Variants in DIPK1C observed in about 807,000 individuals in gnomAD.
The protein encoded by DIPK1C is divergent protein kinase domain 1C, also known as familial non-conventional Alzheimer's dementia.
In DIPK1C, 33 loss-of-function variants were observed where a neutral mutation model predicts 28.0. The observed-to-expected ratio is 1.18, with a 90% CI of 0.89 to 1.58. The LOEUF (loss-of-function observed/expected upper bound fraction) is 1.58, where lower values mean the gene tolerates loss of function less well. DIPK1C is among the 40% of genes most tolerant of loss of function. DIPK1C has a pLI of 0.00. For missense variants in DIPK1C, 569 were observed against 568.5 expected (o/e 1.00, Z -0.01); for synonymous variants, 255 against 248.8 (o/e 1.02, Z -0.23).
intron 1 of DIPK1C, among the ~76,000 whole-genome samples, chr18:74,452,116 A>T (rs1342902690): frequency 6.6e-6 from 1 of 152,224 alleles, no homozygotes; most frequent in Non-Finnish European, 1.5e-5. Context: ...ATGGATCCTC[A>T]AAGTGCAGTT....
At chr18:74,437,553 T>G (rs1213789083) in intron 3 of DIPK1C, among the ~76,000 whole-genome samples, 1 of 152,186 alleles carries the variant, frequency 6.6e-6, no homozygotes, top group Non-Finnish European at 1.5e-5. Flanking sequence ...CAGACTCAAT[T>G]AACAAATGCC....
chr18:74,440,094 G>A (rs966526996), intron 3 of DIPK1C, among the ~76,000 whole-genome samples: 40 of 152,092 alleles, frequency 2.6e-4, no homozygotes, highest in Admixed American at 1.5e-3. Context: ...GCAGGCGCCC[G>A]CCACCTCGCC....
At chr18:74,437,871 A>T (rs1157769676) in intron 3 of DIPK1C, among the ~76,000 whole-genome samples, 1 of 152,136 alleles carries the variant, frequency 6.6e-6, no homozygotes, top group Non-Finnish European at 1.5e-5. Flanking sequence ...CCCCATTTAT[A>T]TGAGGGAGAT....
chr18:74,437,480 G>A (rs1402524501), intron 3 of DIPK1C, among the ~76,000 whole-genome samples: 1 of 152,044 alleles, frequency 6.6e-6, no homozygotes, highest in Non-Finnish European at 1.5e-5. Context: ...CCCCACGCTG[G>A]GAGAAATGAC....
chr18:74,441,933 C>T lies in DIPK1C; in HGVS notation c.1041+19G>A, dbSNP rs766330360. ...CAAAGAGCACCCTCTCCTCCCCCAG[C>T]CCTGGCGGACTCTCATACCTGCAGG... On this transcript the variant is annotated intron_variant, in intron 3 of 3. Coordinates refer to ENST00000343998, the MANE Select transcript of DIPK1C (RefSeq NM_001044369.3). 8.7e-6 allele frequency: 14 copies of T among 1,608,714 alleles called. No individual in the cohort carries two copies. In the East Asian group the frequency reaches 3.1e-4, roughly 36 times the overall value.
Position 74,447,231 on chromosome 18 carries a change from C to T in DIPK1C, c.251G>A (p.Cys84Tyr). Reference sequence around the variant, plus strand: ...TTGGAACAGCAGCTCTCCCGCCACACACAGGTCCTCGCAGAGGTCCCCGGC... The same window carrying T: ...TTGGAACAGCAGCTCTCCCGCCACATACAGGTCCTCGCAGAGGTCCCCGGC... ...TLAGDLCEDLCVAGELLFQRC... is the reference protein window; with the variant it reads ...TLAGDLCEDLYVAGELLFQRC... Residue 84 changes from cysteine (C) to tyrosine (Y), a missense_variant, in exon 2 of 4, where the codon TGT becomes TAT. Coordinates refer to ENST00000343998, the MANE Select transcript of DIPK1C (RefSeq NM_001044369.3). This position sits in a 1 kb window ranked among gnomAD's most constrained non-coding sequence, Gnocchi z 4.1. The T allele has an allele frequency of 6.5e-7, 1 of 1,549,652 alleles. No homozygotes were observed. Among genetic ancestry groups the T allele is most frequent in the Non-Finnish European group, 8.7e-7 (1 of 1,146,594 alleles).
At chr18:74,454,142 G>T (rs1433884637) in intron 1 of DIPK1C, among the ~76,000 whole-genome samples, 1 of 152,206 alleles carries the variant, frequency 6.6e-6, no homozygotes, top group Non-Finnish European at 1.5e-5. Context: ...ATTACAGTGT[G>T]TTGTTCCTAT....
At chr18:74,457,731 C>A (rs1986551959), upstream of DIPK1C, 1 of 149,240 alleles carries the variant, frequency 6.7e-6, no homozygotes, top group South Asian at 2.1e-4. Flanking sequence ...TTGTCCCCCC[C>A]CGTTTACCTC....
In DIPK1C at chr18:74,457,032, G is replaced by T. The variant is rs1247516738; in HGVS notation, c.198+30C>A. 7.9e-6 allele frequency: 11 copies of T among 1,395,268 alleles called. No homozygotes were observed. The South Asian group carries it at 1.7e-4, about 22-fold the overall frequency. 86.4% of individuals were successfully genotyped at this position (1,395,268 alleles called of 1,614,324 possible). On this transcript the variant is annotated intron_variant, in intron 1 of 3. Transcript: ENST00000343998. ...TGTGATCCCCCCTCCCCGGACGCGC[G>T]GCGCGGGGCAGAGCGGCGGCGGGAC...
At chr18:74,442,581 G>T (rs542731100) in intron 2 of DIPK1C, among the ~76,000 whole-genome samples, 54 of 152,112 alleles carry the variant, frequency 3.6e-4, no homozygotes, top group Non-Finnish European at 6.8e-4. Context: ...TGCCCGCCTC[G>T]GCCTCCCAAA....
In DIPK1C at chr18:74,452,874, C is replaced by T. The variant is rs544975256; in HGVS notation, c.198+4188G>A. 5.9e-5 allele frequency among the ~76,000 whole-genome samples: 9 copies of T among 152,052 alleles called. No individual in the cohort carries two copies. In the South Asian group the frequency reaches 1.0e-3, roughly 18 times the overall value. ...CAGTCTTTCTCAGACTCCTTCTGTG[C>T]GTAGGAGGAGTTCCTAAGGCCAGCT... is the stretch of plus-strand genomic sequence containing the variant. On this transcript the variant is annotated intron_variant, in intron 1 of 3. Coordinates refer to ENST00000343998, the MANE Select transcript of DIPK1C (RefSeq NM_001044369.3).
At chr18:74,463,468 G>A in the DIPK1C span, among the ~76,000 whole-genome samples, 6 of 151,924 alleles carry the variant, frequency 3.9e-5, no homozygotes, top group African/African-American at 1.2e-4. Flanking sequence ...TTTTTTGGCC[G>A]CCCTTCTTGT....
At chr18:74,460,349 C>T (rs74973586), upstream of DIPK1C, among the ~76,000 whole-genome samples, 3 of 152,268 alleles carry the variant, frequency 2.0e-5, no homozygotes, top group East Asian at 1.9e-4. Flanking sequence ...GTGATTCCAT[C>T]GTACTTGTTT....
chr18:74,436,358 G>T lies in DIPK1C; in HGVS notation c.*143C>A. On this transcript the variant is annotated 3_prime_UTR_variant, in exon 4 of 4. Transcript: ENST00000343998. ...GAGCGAGGGAGCACTGTCTCTGGCAGCAGCACTTGCCACTCCACAATGTGG... is the reference window on the plus strand; with the variant it reads ...GAGCGAGGGAGCACTGTCTCTGGCATCAGCACTTGCCACTCCACAATGTGG... The T allele has an allele frequency of 1.3e-6, 1 of 780,024 alleles. No individual in the cohort carries two copies. The highest frequency in any genetic ancestry group is 2.0e-6 in the Non-Finnish European group (1 of 500,682). 48.3% of individuals were successfully genotyped at this position (780,024 alleles called of 1,614,324 possible).
Position 74,436,407 on chromosome 18 carries a change from G to T in DIPK1C, c.*94C>A. 1.6e-6 allele frequency: 2 copies of T among 1,249,582 alleles called. No individual in the cohort carries two copies. The highest frequency in any genetic ancestry group is 1.5e-5 in the African/African-American group (1 of 66,708). 77.4% of individuals were successfully genotyped at this position (1,249,582 alleles called of 1,614,324 possible). A position where few individuals can be genotyped will look rare whatever the true frequency, so the allele number is the denominator to read the frequency against. On this transcript the variant is annotated 3_prime_UTR_variant, in exon 4 of 4. Coordinates refer to ENST00000343998, the MANE Select transcript of DIPK1C (RefSeq NM_001044369.3). ...GGAGACCAGAACGGCACCCCAGAGA[G>T]CACAGGGGAAATGGCTCATCTTTAA...
upstream of DIPK1C, among the ~76,000 whole-genome samples, chr18:74,459,661 A>G (rs1033919497): frequency 1.3e-5 from 2 of 152,210 alleles, no homozygotes; most frequent in Admixed American, 1.3e-4. Context: ...TGTAATAGCA[A>G]CATTGGAAGT....
intron 2 of DIPK1C, among the ~76,000 whole-genome samples, chr18:74,443,883 T>G (rs1029321340): frequency 3.3e-5 from 5 of 152,164 alleles, no homozygotes; most frequent in Admixed American, 2.6e-4. Flanking sequence ...GGGCCCCTAC[T>G]CAGAATTTTA....
intron 3 of DIPK1C, among the ~76,000 whole-genome samples, chr18:74,438,985 G>T (rs965301354): frequency 3.3e-4 from 50 of 152,194 alleles, no homozygotes; most frequent in African/African-American, 1.1e-3. Context: ...AGGGAATAAG[G>T]CCCCTTCCAC....
intron 3 of DIPK1C, among the ~76,000 whole-genome samples, chr18:74,438,864 AG>A (rs776228113): frequency 9.2e-5 from 14 of 152,104 alleles, no homozygotes; most frequent in Non-Finnish European, 2.1e-4. Flanking sequence ...AGTGAGGCAT[AG>A]GGGGGCTTGG....
Sources: gnomAD v4.1 joint callset for allele counts (sites outside exome capture counted in the v4.1 genomes callset) on GRCh38, gnomAD v4.1.1 for gene constraint, Gnocchi (gnomAD v3.1) non-coding constraint, MANE v1.5 for transcripts, NCBI Gene and HGNC (gene_info 2026-07-23, HGNC 2026-07-21) for gene names.